CDKAL1: variants seen among roughly 807,000 people sequenced by gnomAD.
The protein encoded by CDKAL1 is CDKAL1 threonylcarbamoyladenosine tRNA methylthiotransferase.
CDKAL1 carries 32 observed loss-of-function variants against 68.2 expected under a neutral mutation model. The observed-to-expected ratio is 0.47, with a 90% CI of 0.35 to 0.63. The LOEUF (loss-of-function observed/expected upper bound fraction) is 0.63. Among genes scored for constraint, CDKAL1 ranks in the 30% least tolerant of loss-of-function variants. The probability of loss-of-function intolerance (pLI) is 0.00; values close to 1 mark genes in which losing one functional copy is unlikely to be tolerated. For synonymous variants in CDKAL1, 234 were observed against 244.3 expected, an observed-to-expected ratio of 0.96 and a Z score of 0.39; for missense variants, 606 against 696.7, an observed-to-expected ratio of 0.87 and a Z score of 1.47.
chr6:20,865,186 C>T (rs1759842570), intron 9 of CDKAL1, among the ~76,000 whole-genome samples: 1 of 152,140 alleles, frequency 6.6e-6, no homozygotes, highest in Admixed American at 6.5e-5. Context: ...ATTGAGATTT[C>T]CTGATTGATT....
intron 15 of CDKAL1, among the ~76,000 whole-genome samples, chr6:21,226,254 A>G (rs554783879): frequency 1.7e-4 from 25 of 151,402 alleles, no homozygotes; most frequent in African/African-American, 5.8e-4. Flanking sequence ...ACTGATTGAA[A>G]TCTGATCCCT....
At chr6:20,732,271 T>C (rs1393489826) in intron 5 of CDKAL1, among the ~76,000 whole-genome samples, 6 of 114,444 alleles carry the variant, frequency 5.2e-5, no homozygotes, top group African/African-American at 1.2e-4. Context: ...TTCTTTTTTT[T>C]TTTTTTTTTT....
intron 9 of CDKAL1, among the ~76,000 whole-genome samples, chr6:20,874,423 C>A (rs1263754103): frequency 6.6e-6 from 1 of 152,004 alleles, no homozygotes; most frequent in African/African-American, 2.4e-5. Context: ...CCTGCCTCAG[C>A]CTTCCAAGTA....
chr6:20,957,968 CAA>C (rs60301451), intron 10 of CDKAL1, among the ~76,000 whole-genome samples: 9 of 67,426 alleles, frequency 1.3e-4, no homozygotes, highest in South Asian at 5.7e-4. Context: ...AAGATTATCT[CAA>C]AAAAAAAAAA....
chr6:21,017,545 A>G (rs1275877896), intron 11 of CDKAL1, among the ~76,000 whole-genome samples: 1 of 152,242 alleles, frequency 6.6e-6, no homozygotes, highest in East Asian at 1.9e-4. Context: ...TTGGTTCAGT[A>G]CATACAGCCT....
chr6:20,860,074 A>G (rs973150482), intron 9 of CDKAL1, among the ~76,000 whole-genome samples: 1 of 151,906 alleles, frequency 6.6e-6, no homozygotes, highest in South Asian at 2.1e-4. Flanking sequence ...CATTTATCAT[A>G]ATTCTTTTTT....
intron 15 of CDKAL1, among the ~76,000 whole-genome samples, chr6:21,225,670 T>C (rs958971898): frequency 2.6e-5 from 4 of 152,208 alleles, no homozygotes; most frequent in African/African-American, 9.7e-5. Flanking sequence ...TAAGATCACA[T>C]GGCTGTCTGA....
chr6:20,701,929 GAGTT>G (rs1365102410), intron 5 of CDKAL1, among the ~76,000 whole-genome samples: 1 of 152,226 alleles, frequency 6.6e-6, no homozygotes. Flanking sequence ...GGCAGATTGA[GAGTT>G]AGGGCAGATC....
At chr6:21,039,525 T>C (rs1769792148) in intron 11 of CDKAL1, among the ~76,000 whole-genome samples, 1 of 152,226 alleles carries the variant, frequency 6.6e-6, no homozygotes, top group Non-Finnish European at 1.5e-5. Flanking sequence ...GTAAGCTTTA[T>C]TGATAGTGAG....
At chr6:20,964,355 C>T (rs555860128) in intron 10 of CDKAL1, among the ~76,000 whole-genome samples, 3 of 152,138 alleles carry the variant, frequency 2.0e-5, no homozygotes, top group African/African-American at 4.8e-5. Flanking sequence ...AAGTCACATG[C>T]GTGGGTATGT....
intron 4 of CDKAL1, among the ~76,000 whole-genome samples, chr6:20,626,219 C>T (rs1767427248): frequency 6.6e-6 from 1 of 151,992 alleles, no homozygotes; most frequent in South Asian, 2.1e-4. Context: ...CAGAACTTAC[C>T]TTCATTGCCT....
At chr6:21,219,954 G>C (rs576801330) in intron 15 of CDKAL1, among the ~76,000 whole-genome samples, 23 of 152,166 alleles carry the variant, frequency 1.5e-4, no homozygotes, top group Non-Finnish European at 2.6e-4. Flanking sequence ...GAATGGTTTC[G>C]GGTGTGAGAG....
At chr6:20,679,628 G>T (rs914301409) in intron 5 of CDKAL1, among the ~76,000 whole-genome samples, 2 of 152,082 alleles carry the variant, frequency 1.3e-5, no homozygotes, top group Non-Finnish European at 2.9e-5. Context: ...TTTTTATATA[G>T]CCTTGAAACT....
chr6:20,854,904 A>C (rs1759244430), intron 9 of CDKAL1, among the ~76,000 whole-genome samples: 1 of 152,222 alleles, frequency 6.6e-6, no homozygotes, highest in African/African-American at 2.4e-5. Context: ...TTGGTGGAAA[A>C]TTGGAACACA....
At chr6:20,586,508 A>G (rs977151371) in intron 4 of CDKAL1, among the ~76,000 whole-genome samples, 2 of 152,120 alleles carry the variant, frequency 1.3e-5, no homozygotes, top group Non-Finnish European at 2.9e-5. Context: ...CTTGGTGGCC[A>G]GTGCCTATAA....
intron 9 of CDKAL1, among the ~76,000 whole-genome samples, chr6:20,864,975 TC>T (rs1316880786): frequency 1.3e-5 from 2 of 152,218 alleles, no homozygotes; most frequent in Non-Finnish European, 2.9e-5. Flanking sequence ...TAAATACAAT[TC>T]AGGCATTTTG....
At chr6:21,162,959 G>A (rs1776986439) in intron 13 of CDKAL1, among the ~76,000 whole-genome samples, 1 of 152,024 alleles carries the variant, frequency 6.6e-6, no homozygotes, top group Non-Finnish European at 1.5e-5. Context: ...AGAAAGGAAG[G>A]AAAGGACAAG....
chr6:20,678,563 T>G (rs1770231539), intron 5 of CDKAL1, among the ~76,000 whole-genome samples: 1 of 152,142 alleles, frequency 6.6e-6, no homozygotes, highest in Admixed American at 6.5e-5. Flanking sequence ...TTAAGTGAAA[T>G]GAATTACTAT....
At chr6:20,541,949 C>T (rs144464624) in intron 2 of CDKAL1, among the ~76,000 whole-genome samples, 46 of 152,318 alleles carry the variant, frequency 3.0e-4, no homozygotes, top group African/African-American at 1.0e-3. Context: ...CGTGAGCCAC[C>T]GTTTCCGGCA....
Sources: gnomAD v4.1 joint callset for allele counts (sites outside exome capture counted in the v4.1 genomes callset) on GRCh38, gnomAD v4.1.1 for gene constraint, MANE v1.5 for transcripts, NCBI Gene and HGNC (gene_info 2026-07-23, HGNC 2026-07-21) for gene names.